FLYWCH1: variants seen among roughly 807,000 people sequenced by gnomAD.
FLYWCH1 encodes the protein FLYWCH-type zinc finger 1.
In FLYWCH1, 75 loss-of-function variants were observed where a neutral mutation model predicts 66.4. The ratio of observed to expected loss-of-function variants is 1.13; its 90% CI spans 0.94 to 1.37. FLYWCH1 has a LOEUF of 1.37. FLYWCH1 is among the 40% of genes most tolerant of loss of function. The pLI is 0.00. For missense variants in FLYWCH1, 1,334 were observed against 1,001.8 expected (o/e 1.33, Z -4.48); for synonymous variants, 595 against 429.9 (o/e 1.38, Z -4.75).
At position 2,943,560 on chromosome 16, in the gene FLYWCH1, C is replaced by T. The variant is rs141283498; in HGVS notation, c.2111+3468C>T. 4 of 151,774 alleles carry T rather than the reference C, an allele frequency of 2.6e-5. No individual in the cohort carries two copies. In the East Asian group the frequency reaches 5.8e-4, roughly 22 times the overall value. 9.4% of individuals were successfully genotyped at this position (151,774 alleles called of 1,614,324 possible). The stretch of plus-strand genomic sequence containing the variant: ...TAGACACAAAACATTTGACAACCTC[C>T]AACACGCTTTCATGATAAAAACATT... On this transcript the variant is annotated intron_variant, in intron 9 of 9. Coordinates refer to ENST00000253928, the MANE Select transcript of FLYWCH1 (RefSeq NM_001308068.2).
chr16:2,922,748 C>T (rs1464940927), intron 2 of FLYWCH1: 8 of 510,720 alleles, frequency 1.6e-5, no homozygotes, highest in Non-Finnish European at 2.3e-5. Flanking sequence ...CAGGCCCAAT[C>T]AGGGTATTGA....
rs757795284 is a variant in FLYWCH1 at position 2,930,574 on chromosome 16, C to CT, written c.491dup (p.Arg165AlafsTer14). 4.5e-6 allele frequency: 7 copies of CT among 1,557,074 alleles called. No individual in the cohort carries two copies. On this transcript the variant is annotated frameshift_variant, in exon 4 of 10. Coordinates refer to ENST00000253928, the MANE Select transcript of FLYWCH1 (RefSeq NM_001308068.2). LOFTEE classifies it high-confidence loss of function. ...CCGGGGCCGGGCCATCACCCGAGGCCTGCGGGCCACAGTGATGCGGGGCCA... is the reference window on the plus strand; with the variant it reads ...CCGGGGCCGGGCCATCACCCGAGGCCTTGCGGGCCACAGTGATGCGGGGCCA...
At chr16:2,917,354 C>G (rs531477313) in intron 2 of FLYWCH1, among the ~76,000 whole-genome samples, 1 of 150,432 alleles carries the variant, frequency 6.6e-6, no homozygotes, top group Admixed American at 6.6e-5. Flanking sequence ...CTCAGCCTCC[C>G]GAGTAGCTGG....
chr16:2,930,776 C>T lies in FLYWCH1; in HGVS notation c.692C>T (p.Thr231Ile), dbSNP rs755044144. 1.3e-6 allele frequency: 2 copies of T among 1,587,412 alleles called. No homozygotes were observed. The highest frequency in any genetic ancestry group is 1.7e-5 in the Admixed American group (1 of 57,296). The change falls in exon 4 of 10, where the codon ACT (threonine) becomes ATT (isoleucine). Residue 231 changes from threonine to isoleucine, a missense_variant. Coordinates refer to ENST00000253928, the MANE Select transcript of FLYWCH1 (RefSeq NM_001308068.2). ...CAGTGCCCTGAGGAGCCCGAGCCCA[C>T]TCCTGGGCTGGTGCTGAGCAAGCCG... ...PWQCPEEPEP[T>I]PGLVLSKPAL...
chr16:2,947,074 C>CA (rs1309488587), intron 9 of FLYWCH1, among the ~76,000 whole-genome samples: 1 of 152,124 alleles, frequency 6.6e-6, no homozygotes, highest in Non-Finnish European at 1.5e-5. Flanking sequence ...TCCTAATAGG[C>CA]AAAAATTGAA....
intron 2 of FLYWCH1, among the ~76,000 whole-genome samples, chr16:2,926,827 G>A (rs2070583931): frequency 6.6e-6 from 1 of 152,178 alleles, no homozygotes; most frequent in Non-Finnish European, 1.5e-5. Flanking sequence ...GAAAAGTGGG[G>A]CCATCAGAGT....
At position 2,929,599 on chromosome 16, in the gene FLYWCH1, G is replaced by A. The variant is rs2070688846; in HGVS notation, c.-73-14G>A. On this transcript the variant is annotated splice_polypyrimidine_tract_variant and intron_variant, in intron 2 of 9. Transcript: ENST00000253928. ...GGGCTTCCACCACTGACGGGATTTT[G>A]CTTCCTTCCTTAGGACGGAACCACT... The A allele has an allele frequency of 1.4e-6, 2 of 1,464,006 alleles. No individual in the cohort carries two copies. The highest frequency in any genetic ancestry group is 9.1e-7 in the Non-Finnish European group (1 of 1,100,554). The allele number at this position is 1,464,006 out of a possible 1,614,324, so 90.7% of individuals were successfully genotyped here.
intron 2 of FLYWCH1, among the ~76,000 whole-genome samples, chr16:2,925,070 G>T (rs896180159): frequency 7.2e-5 from 11 of 152,240 alleles, no homozygotes; most frequent in Admixed American, 7.2e-4. Context: ...CCATGGCGCA[G>T]CTGTGTCCTG....
intron 4 of FLYWCH1, among the ~76,000 whole-genome samples, chr16:2,931,160 G>A (rs542372559): frequency 3.3e-5 from 5 of 151,762 alleles, no homozygotes; most frequent in East Asian, 1.9e-4. Flanking sequence ...ACACTTAGCC[G>A]GGCATGCTGG....
chr16:2,916,665 A>C (rs1374182801), intron 2 of FLYWCH1, among the ~76,000 whole-genome samples: 3 of 151,762 alleles, frequency 2.0e-5, no homozygotes, highest in Non-Finnish European at 4.4e-5. Context: ...AAAAAATAAA[A>C]AAAAGAAAAA....
chr16:2,936,497 C>T (rs1324407938), intron 6 of FLYWCH1: 2 of 448,248 alleles, frequency 4.5e-6, no homozygotes, highest in South Asian at 1.6e-5. Context: ...CACCCCCATC[C>T]CCTGCTTCCA....
At chr16:2,924,324 C>A (rs2070481778) in intron 2 of FLYWCH1, among the ~76,000 whole-genome samples, 1 of 149,118 alleles carries the variant, frequency 6.7e-6, no homozygotes, top group Non-Finnish European at 1.5e-5. Context: ...GAGCGAGACT[C>A]CATCTCAAAA....
Position 2,912,089 on chromosome 16 carries a change from C to T in FLYWCH1, c.-253C>T. ...GTCGCGGGGTCGACGCTCGCTGCTG[C>T]AGCGGCAGAGGCTGAAGGATCCGCC... On this transcript the variant is annotated 5_prime_UTR_variant, in exon 1 of 10. Transcript: ENST00000253928. The T allele has an allele frequency of 6.5e-6, 1 of 152,684 alleles. No homozygotes were observed. Among genetic ancestry groups the T allele is most frequent in the Non-Finnish European group, 1.5e-5 (1 of 68,308 alleles). 9.5% of individuals were successfully genotyped at this position (152,684 alleles called of 1,614,324 possible). A position where few individuals can be genotyped will look rare whatever the true frequency, so the allele number is the denominator to read the frequency against.
At chr16:2,935,914 CTT>C (rs531179302) in intron 6 of FLYWCH1, 37 of 143,472 alleles carry the variant, frequency 2.6e-4, no homozygotes, top group Non-Finnish European at 3.2e-4. Flanking sequence ...ATGAGGGCGT[CTT>C]TTTTTTTTTT....
intron 2 of FLYWCH1, chr16:2,923,212 C>T (rs911265875): frequency 1.1e-4 from 37 of 329,092 alleles, no homozygotes; most frequent in Middle Eastern, 5.1e-4. Flanking sequence ...GAGCTCCCTT[C>T]TTCGCTTTCA....
chr16:2,940,698 G>C (rs770885597), intron 9 of FLYWCH1, among the ~76,000 whole-genome samples: 2 of 152,102 alleles, frequency 1.3e-5, no homozygotes, highest in East Asian at 1.9e-4. Flanking sequence ...CGGGTCTCCC[G>C]AGTGCTGGGA....
chr16:2,922,800 T>A, intron 2 of FLYWCH1: 1 of 523,010 alleles, frequency 1.9e-6, no homozygotes, highest in Middle Eastern at 3.2e-4. Flanking sequence ...ACAGCCTGTT[T>A]GAGCTGGTGC....
intron 9 of FLYWCH1, among the ~76,000 whole-genome samples, chr16:2,945,005 C>T (rs1377713601): frequency 1.3e-5 from 2 of 151,892 alleles, no homozygotes; most frequent in Non-Finnish European, 2.9e-5. Flanking sequence ...ATGGATGACC[C>T]TGACCCTGTG....
At chr16:2,948,057 T>C (rs2071556838) in intron 9 of FLYWCH1, among the ~76,000 whole-genome samples, 1 of 151,340 alleles carries the variant, frequency 6.6e-6, no homozygotes, top group African/African-American at 2.4e-5. Flanking sequence ...GAAAATTAAT[T>C]AAAGGAGAAC....
Sources: gnomAD v4.1 joint callset for allele counts (sites outside exome capture counted in the v4.1 genomes callset) on GRCh38, gnomAD v4.1.1 for gene constraint, MANE v1.5 for transcripts, NCBI Gene and HGNC (gene_info 2026-07-23, HGNC 2026-07-21) for gene names.